The following SLC14A2 variants were observed in gnomAD, a reference collection of about 807,000 sequenced individuals.
The protein encoded by SLC14A2 is solute carrier family 14 member 2, also known as urea transporter 2.
A neutral mutation model predicts 104.6 loss-of-function variants in SLC14A2; 91 were observed. The ratio of observed to expected loss-of-function variants is 0.87; its 90% CI spans 0.73 to 1.04. The LOEUF (loss-of-function observed/expected upper bound fraction) is 1.04. Among genes scored for constraint, SLC14A2 ranks in the 50% least tolerant of loss-of-function variants. The pLI, the probability that SLC14A2 is intolerant of heterozygous loss-of-function variation, is 0.00. For missense variants in SLC14A2, 1,189 were observed against 1,156.0 expected (o/e 1.03, Z -0.41); for synonymous variants, 476 against 466.4 (o/e 1.02, Z -0.27).
chr18:45,471,399 G>T (rs556697946), intron 1 of SLC14A2, among the ~76,000 whole-genome samples: 2 of 151,884 alleles, frequency 1.3e-5, no homozygotes, highest in Non-Finnish European at 2.9e-5. Context: ...TTCCTGAGAC[G>T]GTTTATGTTT....
intron 2 of SLC14A2, among the ~76,000 whole-genome samples, chr18:45,532,177 A>G (rs1444144812): frequency 6.6e-6 from 1 of 152,054 alleles, no homozygotes; most frequent in Non-Finnish European, 1.5e-5. Context: ...TTGACTTGGC[A>G]GTGCGGGCTC....
intron 2 of SLC14A2, among the ~76,000 whole-genome samples, chr18:45,506,024 G>A (rs1027029522): frequency 6.6e-5 from 10 of 152,158 alleles, no homozygotes; most frequent in East Asian, 1.9e-4. Context: ...GAGGCTCACC[G>A]CTTCCTGCTT....
intron 1 of SLC14A2, among the ~76,000 whole-genome samples, chr18:45,407,490 C>T (rs1224815331): frequency 1.3e-5 from 2 of 152,148 alleles, no homozygotes; most frequent in African/African-American, 2.4e-5. Context: ...TCTTATCATT[C>T]GTGGGTTCAC....
chr18:45,191,748 A>AGGG, the SLC14A2 span, among the ~76,000 whole-genome samples: 1 of 152,170 alleles, frequency 6.6e-6, no homozygotes, highest in Non-Finnish European at 1.5e-5. Flanking sequence ...AGGGGTGTCA[A>AGGG]GCAGACACCC....
chr18:45,329,612 C>T (rs900371538), intron 1 of SLC14A2, among the ~76,000 whole-genome samples: 1 of 152,134 alleles, frequency 6.6e-6, no homozygotes, highest in African/African-American at 2.4e-5. Context: ...TCTCAATTGC[C>T]ACCAGCCTGT....
chr18:45,466,741 C>T (rs2087150050), intron 1 of SLC14A2, among the ~76,000 whole-genome samples: 1 of 151,678 alleles, frequency 6.6e-6, no homozygotes, highest in Non-Finnish European at 1.5e-5. Flanking sequence ...ATTCGGAATG[C>T]AATGGGCAGT....
chr18:45,638,567 A>C (rs2045463953), intron 6 of SLC14A2, among the ~76,000 whole-genome samples: 1 of 152,138 alleles, frequency 6.6e-6, no homozygotes, highest in South Asian at 2.1e-4. Context: ...GCCCCATATC[A>C]ATTAAATCAG....
At chr18:45,422,090 CAA>C (rs1210734822) in intron 1 of SLC14A2, among the ~76,000 whole-genome samples, 17 of 152,268 alleles carry the variant, frequency 1.1e-4, no homozygotes, top group South Asian at 2.1e-4. Context: ...AAGGTAGGGC[CAA>C]AGAGGCCCGA....
intron 1 of SLC14A2, among the ~76,000 whole-genome samples, chr18:45,291,775 G>A (rs1484986598): frequency 6.6e-6 from 1 of 151,908 alleles, no homozygotes; most frequent in Non-Finnish European, 1.5e-5. Context: ...TAGGAGTCAC[G>A]GTGACGAATC....
intron 1 of SLC14A2, among the ~76,000 whole-genome samples, chr18:45,616,873 G>A (rs2045079681): frequency 7.2e-5 from 11 of 152,130 alleles, no homozygotes; most frequent in Admixed American, 7.2e-4. Flanking sequence ...CAAGGTGGGC[G>A]GATTGCCTGA....
At chr18:45,660,866 G>A (rs17670646) in intron 10 of SLC14A2, among the ~76,000 whole-genome samples, 47,640 of 152,084 alleles carry the variant, frequency 0.31, 7,973 homozygotes, top group Middle Eastern at 0.41. Flanking sequence ...CACCTTCACT[G>A]TAAGTGTCTG....
At chr18:45,619,952 G>A (rs2045137325) in intron 1 of SLC14A2, among the ~76,000 whole-genome samples, 1 of 152,142 alleles carries the variant, frequency 6.6e-6, no homozygotes, top group Admixed American at 6.6e-5. Flanking sequence ...AGACATGGAG[G>A]CCCACGCGGC....
chr18:45,281,745 C>T (rs1047384706), intron 1 of SLC14A2, among the ~76,000 whole-genome samples: 1 of 152,166 alleles, frequency 6.6e-6, no homozygotes, highest in Non-Finnish European at 1.5e-5. Context: ...CTGCCTGGGT[C>T]AGGAGTAGGA....
chr18:45,599,269 T>C (rs1290811074), intron 2 of SLC14A2, among the ~76,000 whole-genome samples: 1 of 152,222 alleles, frequency 6.6e-6, no homozygotes, highest in East Asian at 1.9e-4. Context: ...GCACAATTAC[T>C]GCCTCCCTCT....
intron 1 of SLC14A2, among the ~76,000 whole-genome samples, chr18:45,427,442 C>A (rs2086450457): frequency 6.6e-6 from 1 of 152,102 alleles, no homozygotes; most frequent in Admixed American, 6.6e-5. Context: ...CCCTTGAAGA[C>A]CACCCTGAAG....
chr18:45,367,801 C>A (rs2085681543), intron 1 of SLC14A2, among the ~76,000 whole-genome samples: 1 of 152,124 alleles, frequency 6.6e-6, no homozygotes, highest in Non-Finnish European at 1.5e-5. Flanking sequence ...TCCCAGGGCT[C>A]TGTTTACTCT....
rs138521950 is a variant in SLC14A2 at position 45,428,220 on chromosome 18, C to T, written c.-124-55013C>T. On this transcript the variant is annotated intron_variant, in intron 1 of 20. Transcript: ENST00000586448. Reference sequence around the variant, plus strand: ...CTAGCCTGGGAATTAAGGATGGAAGCTAGACATTTACAGGGAAAATTCACA... The same window carrying T: ...CTAGCCTGGGAATTAAGGATGGAAGTTAGACATTTACAGGGAAAATTCACA... Among the ~76,000 whole-genome samples the T allele has an allele frequency of 9.9e-3, 1,500 of 152,272 alleles. 16 individuals are homozygous for T. The highest frequency in any genetic ancestry group is 0.024 in the African/African-American group (1,000 of 41,554).
intron 1 of SLC14A2, among the ~76,000 whole-genome samples, chr18:45,238,917 A>G (rs1268713403): frequency 6.6e-6 from 1 of 152,226 alleles, no homozygotes; most frequent in African/African-American, 2.4e-5. Flanking sequence ...AGGACCTTAT[A>G]GCCTAGGACA....
the SLC14A2 span, among the ~76,000 whole-genome samples, chr18:45,173,320 T>C: frequency 6.6e-6 from 1 of 152,066 alleles, no homozygotes. Flanking sequence ...AATAACAACA[T>C]GAATGAGACA....
Sources: gnomAD v4.1 joint callset for allele counts (sites outside exome capture counted in the v4.1 genomes callset) on GRCh38, gnomAD v4.1.1 for gene constraint, MANE v1.5 for transcripts, NCBI Gene and HGNC (gene_info 2026-07-23, HGNC 2026-07-21) for gene names.